EML2: variants seen among roughly 807,000 people sequenced by gnomAD.
EML2 encodes the protein echinoderm microtubule-associated protein-like 2.
In EML2, 59 loss-of-function variants were observed where a neutral mutation model predicts 84.7. The ratio of observed to expected loss-of-function variants is 0.70; its 90% CI spans 0.56 to 0.86. EML2 has a LOEUF of 0.86. Among genes scored for constraint, EML2 ranks in the 40% least tolerant of loss-of-function variants. The pLI is 0.00. For missense variants in EML2, 818 were observed against 855.6 expected (o/e 0.96, Z 0.55); for synonymous variants, 352 against 348.9 (o/e 1.01, Z -0.10).
chr19:45,639,192 G>A (rs916137825), intron 1 of EML2, 165 bp downstream of exon 1: 8 of 813,048 alleles, frequency 9.8e-6, no homozygotes, highest in East Asian at 2.9e-5. Context: ...CCCACCCGCA[G>A]TTCCCCCAGC....
At chr19:45,620,383 T>C (rs1971549403) in intron 11 of EML2, among the ~76,000 whole-genome samples, 1 of 151,976 alleles carries the variant, frequency 6.6e-6, no homozygotes, top group African/African-American at 2.4e-5. Context: ...CAAAGTAATA[T>C]TAATATTATG....
In EML2 at chr19:45,617,653, C is replaced by T. The variant is rs1316071866; in HGVS notation, c.1299G>A (p.Leu433=). ...ACCTGCCAGTCACTGTACCCACAGC[C>T]AGGACAGAGCCACTGGGGTGGAAGC... ...SAGFHPSGSV[L]AVGTVTGRWL... is the part of the protein sequence containing the mutation. The change falls in exon 13 of 19, where the codon CTG becomes CTA. Residue 433 remains leucine, a synonymous_variant. Coordinates refer to ENST00000245925, the MANE Select transcript of EML2 (RefSeq NM_012155.4). 1.2e-6 allele frequency: 2 copies of T among 1,613,966 alleles called. No homozygotes were observed. The highest frequency in any genetic ancestry group is 1.3e-5 in the African/African-American group (1 of 75,060).
At chr19:45,624,899 G>T (rs979385599) in intron 8 of EML2, 81 bp from the exon 9 acceptor site, 4 of 985,096 alleles carry the variant, frequency 4.1e-6, no homozygotes, top group Admixed American at 4.0e-5. Context: ...ACCCAGGACC[G>T]TGGCCAGGCA....
At chr19:45,620,992 C>G (rs1463553760) in intron 11 of EML2, 1 of 690,260 alleles carries the variant, frequency 1.4e-6, no homozygotes, top group Non-Finnish European at 2.6e-6. Context: ...GGAGGCAGCA[C>G]AGTTGGAGCA....
chr19:45,641,565 G>A (rs773240293), upstream of EML2: 20 of 1,427,666 alleles, frequency 1.4e-5, no homozygotes, highest in Non-Finnish European at 1.9e-5. Context: ...CGACCTCGTG[G>A]CCTGGGGCAT....
At chr19:45,610,794 C>T (rs1040020890) in intron 18 of EML2, among the ~76,000 whole-genome samples, 6 of 151,378 alleles carry the variant, frequency 4.0e-5, no homozygotes, top group Non-Finnish European at 7.4e-5. Flanking sequence ...GAGCCGAGAT[C>T]GTGCCACTGC....
In EML2 at chr19:45,616,578, G is replaced by T. The variant is rs778018008; in HGVS notation, c.1412-20C>A. The T allele has an allele frequency of 1.3e-6, 2 of 1,584,154 alleles. No individual in the cohort carries two copies. Among genetic ancestry groups the T allele is most frequent in the African/African-American group, 2.7e-5 (2 of 74,384 alleles). ...CCCCGTCTGGGGGAGGGGGAGGGGG[G>T]CTATGAGGAGGCACCCAGGCTCCAT... On this transcript the variant is annotated intron_variant, in intron 14 of 18. Coordinates refer to ENST00000245925, the MANE Select transcript of EML2 (RefSeq NM_012155.4).
At chr19:45,624,491 G>A (rs1006800287) in intron 9 of EML2, among the ~76,000 whole-genome samples, 9 of 152,166 alleles carry the variant, frequency 5.9e-5, no homozygotes, top group Admixed American at 2.6e-4. Flanking sequence ...CCCATTCATT[G>A]ATAATCTGGA....
upstream of EML2, chr19:45,642,548 C>A: frequency 3.6e-6 from 5 of 1,394,596 alleles, no homozygotes; most frequent in South Asian, 8.5e-5. Context: ...GCTCTCCAAC[C>A]CATCCGCACA....
upstream of EML2, chr19:45,644,758 A>G (rs1974903342): frequency 2.2e-6 from 1 of 455,886 alleles, no homozygotes; most frequent in African/African-American, 2.0e-5. Flanking sequence ...CCATTTGTCT[A>G]GGGAGAAGGG....
chr19:45,638,078 C>T (rs141784888), intron 3 of EML2, among the ~76,000 whole-genome samples: 1 of 152,320 alleles, frequency 6.6e-6, no homozygotes, highest in East Asian at 1.9e-4. Flanking sequence ...TCCCAATGTG[C>T]TGAGTTAGTG....
At position 45,621,407 on chromosome 19, in the gene EML2, G is replaced by A. The variant is rs1346021912; in HGVS notation, c.997-75C>T. 3.2e-6 allele frequency: 5 copies of A among 1,572,562 alleles called. No homozygotes were observed. In the South Asian group the frequency reaches 3.5e-5, roughly 11 times the overall value. ...GTGGGGTGACATACTGTGGGGAGGA[G>A]GGTCTGGCGTTGGGAGCCCTGGTGA... On this transcript the variant is annotated intron_variant, in intron 10 of 18. Transcript: ENST00000245925.
At chr19:45,635,666 C>T (rs1390820006) in intron 3 of EML2, among the ~76,000 whole-genome samples, 1 of 140,096 alleles carries the variant, frequency 7.1e-6, no homozygotes, top group Non-Finnish European at 1.5e-5. Context: ...GATCTCAGCT[C>T]ACGGCAACCT....
At chr19:45,639,630 G>C (rs1237216690), upstream of EML2, among the ~76,000 whole-genome samples, 1 of 152,122 alleles carries the variant, frequency 6.6e-6, no homozygotes, top group African/African-American at 2.4e-5. Flanking sequence ...CCCCAGTTCT[G>C]CTAATTCCTA....
chr19:45,623,969 G>A (rs571777547), intron 9 of EML2, among the ~76,000 whole-genome samples: 38 of 152,338 alleles, frequency 2.5e-4, no homozygotes, highest in African/African-American at 7.7e-4. Context: ...ACAGGCATGA[G>A]CCACTGTCCC....
upstream of EML2, chr19:45,642,207 T>C (rs747371345): frequency 6.5e-7 from 1 of 1,535,112 alleles, no homozygotes; most frequent in South Asian, 1.2e-5. Context: ...CCGCTCCCTG[T>C]TCTTCGCATG....
chr19:45,634,569 TTTA>T, intron 3 of EML2, 98 bp from the exon 4 acceptor site: 1 of 952,686 alleles, frequency 1.0e-6, no homozygotes. Flanking sequence ...TTTTTATTTA[TTTA>T]TTTTTTTGAG....
upstream of EML2, chr19:45,645,339 T>A: frequency 6.5e-7 from 1 of 1,531,682 alleles, no homozygotes; most frequent in South Asian, 1.2e-5. Context: ...CGCTCCGCCA[T>A]CGCCCCACCA....
At chr19:45,642,596 G>A, upstream of EML2, 1 of 1,226,936 alleles carries the variant, frequency 8.2e-7, no homozygotes. Context: ...TGTGACCTTG[G>A]GGAAGTCCCT....
Sources: allele counts gnomAD v4.1 joint callset (sites outside exome capture counted in the v4.1 genomes callset), GRCh38; gene constraint gnomAD v4.1.1; transcripts MANE v1.5; gene names NCBI Gene and HGNC (gene_info 2026-07-23, HGNC 2026-07-21).